ERMP1: variants seen among roughly 807,000 people sequenced by gnomAD.
The protein encoded by ERMP1 is endoplasmic reticulum metallopeptidase 1.
A neutral mutation model predicts 92.0 loss-of-function variants in ERMP1; 86 were observed. The ratio of observed to expected loss-of-function variants is 0.93; its 90% CI spans 0.79 to 1.12. The LOEUF (loss-of-function observed/expected upper bound fraction) is 1.12. Among genes scored for constraint, ERMP1 ranks in the 50% most tolerant of loss-of-function variants. The pLI is 0.00. For missense variants in ERMP1, 1,342 were observed against 1,116.3 expected (o/e 1.20, Z -2.88); for synonymous variants, 530 against 412.8 (o/e 1.28, Z -3.44).
rs753821453 is a variant in ERMP1 at position 5,801,291 on chromosome 9, G to GT, written c.1951dup (p.Thr651AsnfsTer25). The GT allele has an allele frequency of 2.4e-5, 39 of 1,611,694 alleles. 1 individual carries two copies. The highest frequency in any genetic ancestry group is 1.3e-4 in the South Asian group (12 of 90,732). Reference sequence around the variant, plus strand: ...ACATACCAAAGTTAAAGTTAGCATGGTTTTTTTTGTGCTCTTGGCAAGGTA... The same window carrying GT: ...ACATACCAAAGTTAAAGTTAGCATGGTTTTTTTTTGTGCTCTTGGCAAGGTA... On this transcript the variant is annotated frameshift_variant, in exon 11 of 15. Transcript: ENST00000339450. LOFTEE classifies it high-confidence loss of function.
intron 6 of ERMP1, among the ~76,000 whole-genome samples, chr9:5,842,881 C>T (rs922374226): frequency 1.3e-5 from 2 of 152,216 alleles, no homozygotes; most frequent in African/African-American, 2.4e-5. Flanking sequence ...CTAAGGAAAT[C>T]GCTTAATTCA....
At chr9:5,813,110 T>G in intron 4 of ERMP1, 75 bp from the exon 5 acceptor site, 1 of 1,511,298 alleles carries the variant, frequency 6.6e-7, no homozygotes, top group Admixed American at 1.7e-5. Context: ...TTTCAACACA[T>G]AGAAAACAGT....
intron 6 of ERMP1, chr9:5,856,210 C>G (rs913655337): frequency 3.5e-6 from 1 of 286,800 alleles, no homozygotes; most frequent in Non-Finnish European, 7.0e-6. Context: ...CAGTGCTGGG[C>G]ATACCTGTTC....
chr9:5,831,079 A>G (rs768249856), intron 1 of ERMP1, 51 bp from the exon 2 acceptor site: 2 of 1,495,188 alleles, frequency 1.3e-6, no homozygotes, highest in East Asian at 2.3e-5. Flanking sequence ...ATTGACACTT[A>G]GCGTGGGTAA....
intron 4 of ERMP1, among the ~76,000 whole-genome samples, chr9:5,818,192 G>C (rs1829394726): frequency 6.6e-6 from 1 of 151,634 alleles, no homozygotes; most frequent in African/African-American, 2.4e-5. Context: ...TCAAGACTAT[G>C]ACTACAGACC....
intron 11 of ERMP1, 67 bp downstream of exon 11, chr9:5,801,109 C>A: frequency 2.6e-6 from 4 of 1,521,952 alleles, no homozygotes; most frequent in Non-Finnish European, 3.5e-6. Context: ...TTGCTATTCA[C>A]TACTGAAGCT....
At chr9:5,847,267 A>T (rs1830248688) in intron 6 of ERMP1, among the ~76,000 whole-genome samples, 1 of 152,102 alleles carries the variant, frequency 6.6e-6, no homozygotes, top group Admixed American at 6.5e-5. Context: ...GATGTGGATG[A>T]CTATAAACAG....
At chr9:5,793,126 G>C (rs1406698616) in intron 13 of ERMP1, among the ~76,000 whole-genome samples, 2 of 152,128 alleles carry the variant, frequency 1.3e-5, no homozygotes, top group Non-Finnish European at 2.9e-5. Context: ...TGCTAGCAAT[G>C]TTACAAGAGA....
At chr9:5,832,646 C>T (rs1277724476) in intron 1 of ERMP1, 44 bp downstream of exon 1, 4 of 1,347,224 alleles carry the variant, frequency 3.0e-6, no homozygotes, top group African/African-American at 1.5e-5. Flanking sequence ...GCGCAGGAGC[C>T]GCAAACGGAC....
chr9:5,844,215 A>C (rs1055394163), intron 6 of ERMP1, among the ~76,000 whole-genome samples: 5 of 152,196 alleles, frequency 3.3e-5, no homozygotes, highest in African/African-American at 1.2e-4. Context: ...CCAGACTCAG[A>C]TGTAAGTGGC....
At chr9:5,838,705 A>G (rs1034552578) in intron 6 of ERMP1, among the ~76,000 whole-genome samples, 1 of 152,204 alleles carries the variant, frequency 6.6e-6, no homozygotes, top group African/African-American at 2.4e-5. Flanking sequence ...ATTATAGTAC[A>G]TTCAGAGTTT....
chr9:5,819,045 T>C (rs1032070548), intron 4 of ERMP1, among the ~76,000 whole-genome samples: 17 of 152,222 alleles, frequency 1.1e-4, no homozygotes, highest in African/African-American at 4.1e-4. Context: ...AAATTTACTA[T>C]ACATCCCAGG....
At chr9:5,792,382 T>A (rs1200520670) in intron 13 of ERMP1, among the ~76,000 whole-genome samples, 3 of 152,188 alleles carry the variant, frequency 2.0e-5, no homozygotes, top group Non-Finnish European at 4.4e-5. Flanking sequence ...AAGACCTAAC[T>A]GCTAGTTTTA....
Position 5,785,546 on chromosome 9 carries a change from T to TGCAG in ERMP1, c.*1594_*1597dup, listed in dbSNP as rs1827901105. The TGCAG allele has an allele frequency of 1.3e-5, 2 of 152,546 alleles. No individual in the cohort carries two copies. The highest frequency in any genetic ancestry group is 4.1e-4 in the South Asian group (2 of 4,826). 9.4% of individuals were successfully genotyped at this position (152,546 alleles called of 1,614,324 possible). On this transcript the variant is annotated 3_prime_UTR_variant, in exon 15 of 15. Transcript: ENST00000339450. Reference sequence around the variant, plus strand: ...GCCTAACATGTTATTCAGCTCTGGTTGCAGCCCCATCTACATGGGCCCAGT... The same window carrying TGCAG: ...GCCTAACATGTTATTCAGCTCTGGTTGCAGGCAGCCCCATCTACATGGGCCCAGT...
chr9:5,835,642 GA>G (rs1292826345), upstream of ERMP1, among the ~76,000 whole-genome samples: 1 of 152,188 alleles, frequency 6.6e-6, no homozygotes, highest in Non-Finnish European at 1.5e-5. Context: ...AGCCCTGGTA[GA>G]TGTGAGGTGA....
intron 4 of ERMP1, among the ~76,000 whole-genome samples, chr9:5,823,159 C>T (rs999980673): frequency 2.0e-5 from 3 of 152,044 alleles, no homozygotes; most frequent in African/African-American, 7.2e-5. Flanking sequence ...ATAGCAAGCA[C>T]CTGCAGTCCC....
In ERMP1 at chr9:5,833,056, C is replaced by A. The variant is rs1457923722; in HGVS notation, c.-29G>T. 6 of 1,429,060 alleles carry A rather than the reference C, an allele frequency of 4.2e-6. No individual in the cohort carries two copies. The highest frequency in any genetic ancestry group is 5.4e-6 in the Non-Finnish European group (6 of 1,101,574). 88.5% of individuals were successfully genotyped at this position (1,429,060 alleles called of 1,614,324 possible). ...CACGAGCCTCAGCTGCCAGCCCAAC[C>A]GCCCCAACCCGCGACAGCCCCGGCC... On this transcript the variant is annotated 5_prime_UTR_variant, in exon 1 of 15. Coordinates refer to ENST00000339450, the MANE Select transcript of ERMP1 (RefSeq NM_024896.3).
chr9:5,864,734 T>C (rs16923578), intron 5 of ERMP1, among the ~76,000 whole-genome samples: 5,150 of 152,234 alleles, frequency 0.034, 278 homozygotes, highest in East Asian at 0.23. Flanking sequence ...ACAGGAGGCT[T>C]GTATTTCAGC....
At chr9:5,850,554 C>T (rs924008802) in intron 6 of ERMP1, among the ~76,000 whole-genome samples, 1 of 152,014 alleles carries the variant, frequency 6.6e-6, no homozygotes, top group East Asian at 1.9e-4. Context: ...TCTGAGATAC[C>T]GTGAAGTTCG....
Sources: allele counts gnomAD v4.1 joint callset (sites outside exome capture counted in the v4.1 genomes callset), GRCh38; gene constraint gnomAD v4.1.1; transcripts MANE v1.5; gene names NCBI Gene and HGNC (gene_info 2026-07-23, HGNC 2026-07-21).